The following NIPAL2 variants were observed in gnomAD, a reference collection of about 807,000 sequenced individuals.
NIPAL2 encodes NIPA like domain containing 2, also known as NIPA-like protein 2.
NIPAL2 carries 43 observed loss-of-function variants against 48.9 expected under a neutral mutation model. That is an observed-to-expected ratio of 0.88 (90% confidence interval 0.69 to 1.13). The LOEUF (loss-of-function observed/expected upper bound fraction) is 1.13, where lower values mean the gene tolerates loss of function less well. Ranked by LOEUF, NIPAL2 falls within the 50% of genes most tolerant of loss-of-function variation. The probability of loss-of-function intolerance (pLI) is 0.00; values close to 1 mark genes in which losing one functional copy is unlikely to be tolerated. For missense variants in NIPAL2, 446 were observed against 461.4 expected (o/e 0.97, Z 0.31); for synonymous variants, 167 against 174.6 (o/e 0.96, Z 0.34).
intron 2 of NIPAL2, among the ~76,000 whole-genome samples, chr8:98,253,527 G>T (rs1813707041): frequency 6.6e-6 from 1 of 152,130 alleles, no homozygotes; most frequent in Admixed American, 6.5e-5. Context: ...TCTAATTCAT[G>T]TTCAGTTATA....
At chr8:98,289,577 T>C (rs1052838265) in intron 1 of NIPAL2, among the ~76,000 whole-genome samples, 1 of 151,932 alleles carries the variant, frequency 6.6e-6, no homozygotes, top group South Asian at 2.1e-4. Context: ...TCTTGAACTC[T>C]TGGGCTCAAG....
intron 5 of NIPAL2, among the ~76,000 whole-genome samples, chr8:98,218,209 G>A (rs1469314313): frequency 1.3e-5 from 2 of 152,162 alleles, no homozygotes; most frequent in East Asian, 3.8e-4. Flanking sequence ...CAGGCTATGT[G>A]ACCCTTTTCT....
chr8:98,249,743 A>ATCC (rs1813491736), intron 3 of NIPAL2, among the ~76,000 whole-genome samples: 1 of 147,554 alleles, frequency 6.8e-6, no homozygotes, highest in South Asian at 2.1e-4. Flanking sequence ...TATTTACATT[A>ATCC]TTTAATACAA....
At chr8:98,263,107 T>G (rs1254506746) in intron 1 of NIPAL2, among the ~76,000 whole-genome samples, 1 of 145,776 alleles carries the variant, frequency 6.9e-6, no homozygotes, top group Non-Finnish European at 1.5e-5. Flanking sequence ...CATACCAGAA[T>G]CTCTGGGACG....
At chr8:98,287,097 G>A (rs969111743) in intron 1 of NIPAL2, among the ~76,000 whole-genome samples, 2 of 151,998 alleles carry the variant, frequency 1.3e-5, no homozygotes, top group African/African-American at 2.4e-5. Context: ...AGGAATATCG[G>A]TCTTTCAGGA....
Position 98,294,218 on chromosome 8 carries a change from C to G in NIPAL2, c.-81G>C. On this transcript the variant is annotated 5_prime_UTR_variant, in exon 1 of 11. Coordinates refer to ENST00000430223, the MANE Select transcript of NIPAL2 (RefSeq NM_001321635.2). ...CTGTTGCACCGCGAGGAGGCCGCGCCGCAGCCACTTCCTGCTCGGTGCCCG... is the reference window on the plus strand; with the variant it reads ...CTGTTGCACCGCGAGGAGGCCGCGCGGCAGCCACTTCCTGCTCGGTGCCCG... 4 of 1,201,308 alleles carry G rather than the reference C, an allele frequency of 3.3e-6. No individual in the cohort carries two copies. The highest frequency in any genetic ancestry group is 3.1e-6 in the Non-Finnish European group (3 of 968,528). The allele number at this position is 1,201,308 out of a possible 1,614,324, so 74.4% of individuals were successfully genotyped here.
In NIPAL2 at chr8:98,280,761, T is replaced by TATATATATATATATAGAGAG; in HGVS notation, c.135+13241_135+13242insCTCTCTATATATATATATAT. 4.9e-3 allele frequency among the ~76,000 whole-genome samples: 148 copies of TATATATATATATATAGAGAG among 30,000 alleles called. 3 individuals carry two copies. The highest frequency in any genetic ancestry group is 7.6e-3 in the Non-Finnish European group (111 of 14,698). The allele number at this position is 30,000 out of a possible 152,430, so 19.7% of individuals were successfully genotyped here. A position where few individuals can be genotyped will look rare whatever the true frequency, so the allele number is the denominator to read the frequency against. ...CTATATATATATATATATATATATA[T>TATATATATATATATAGAGAG]AGAGAGAGAGAGAGAGAGAGAGAGA... is the stretch of plus-strand genomic sequence containing the variant. On this transcript the variant is annotated intron_variant, in intron 1 of 10. Transcript: ENST00000430223.
intron 3 of NIPAL2, among the ~76,000 whole-genome samples, chr8:98,246,205 G>A (rs1813298719): frequency 6.6e-6 from 1 of 152,138 alleles, no homozygotes; most frequent in Non-Finnish European, 1.5e-5. Context: ...GCCTCACCAG[G>A]GCTTCCTGGC....
At chr8:98,232,986 G>A (rs1278964135) in intron 4 of NIPAL2, among the ~76,000 whole-genome samples, 1 of 152,162 alleles carries the variant, frequency 6.6e-6, no homozygotes, top group Non-Finnish European at 1.5e-5. Context: ...TAGGCCAGGC[G>A]TGATAGCTCA....
chr8:98,254,692 TA>T (rs1254240343), intron 1 of NIPAL2, among the ~76,000 whole-genome samples: 2 of 152,266 alleles, frequency 1.3e-5, no homozygotes, highest in Non-Finnish European at 2.9e-5. Context: ...CAGTCTACTA[TA>T]TCAAACAATA....
In NIPAL2 at chr8:98,196,017, GA is replaced by G; in HGVS notation, c.881-13del. The G allele has an allele frequency of 4.7e-6, 7 of 1,504,404 alleles. No individual in the cohort carries two copies. Among genetic ancestry groups the G allele is most frequent in the Non-Finnish European group, 6.4e-6 (7 of 1,101,684 alleles). The allele number at this position is 1,504,404 out of a possible 1,614,324, so 93.2% of individuals were successfully genotyped here. A position where few individuals can be genotyped will look rare whatever the true frequency, so the allele number is the denominator to read the frequency against. Reference sequence around the variant, plus strand: ...ATAAAATATGATACCTGTAACACAGGAAAAGAAGACAAAATTGATTTTGAAG... The same window carrying G: ...ATAAAATATGATACCTGTAACACAGGAAAGAAGACAAAATTGATTTTGAAG... On this transcript the variant is annotated splice_polypyrimidine_tract_variant and intron_variant, in intron 8 of 10. Transcript: ENST00000430223.
intron 1 of NIPAL2, among the ~76,000 whole-genome samples, chr8:98,289,268 C>T (rs552117696): frequency 2.3e-4 from 35 of 152,138 alleles, no homozygotes; most frequent in African/African-American, 8.0e-4. Context: ...TGGCAGTTTC[C>T]CATAGCCTGG....
chr8:98,197,954 A>G (rs1810623233), intron 8 of NIPAL2, among the ~76,000 whole-genome samples: 1 of 152,230 alleles, frequency 6.6e-6, no homozygotes. Flanking sequence ...CCTCCCATGA[A>G]TCACAAAAGT....
At chr8:98,243,242 C>T (rs1002606517) in intron 3 of NIPAL2, among the ~76,000 whole-genome samples, 13 of 152,172 alleles carry the variant, frequency 8.5e-5, no homozygotes, top group African/African-American at 3.1e-4. Context: ...GTCATCTGTT[C>T]TTTTGGCTAT....
At chr8:98,193,842 G>T (rs1041524116) in intron 10 of NIPAL2, among the ~76,000 whole-genome samples, 2 of 149,762 alleles carry the variant, frequency 1.3e-5, no homozygotes, top group African/African-American at 4.9e-5. Context: ...TCCTATCAAA[G>T]AACCTCTAAC....
intron 1 of NIPAL2, among the ~76,000 whole-genome samples, chr8:98,260,928 A>T (rs1014270683): frequency 2.6e-5 from 4 of 152,014 alleles, no homozygotes; most frequent in Admixed American, 1.3e-4. Context: ...GCAGCTGGAG[A>T]TCTGAGAACG....
chr8:98,234,528 T>C (rs551112794), intron 4 of NIPAL2, among the ~76,000 whole-genome samples: 18 of 152,250 alleles, frequency 1.2e-4, no homozygotes, highest in Admixed American at 8.5e-4. Context: ...ATTTTTAGTT[T>C]ATAAAACTCA....
chr8:98,193,293 C>G lies in NIPAL2; in HGVS notation c.1040-203G>C, dbSNP rs536351257. 1.3e-4 allele frequency: 181 copies of G among 1,425,556 alleles called. 2 individuals carry two copies. In the African/African-American group the frequency reaches 2.2e-3, roughly 17 times the overall value. The allele number at this position is 1,425,556 out of a possible 1,614,324, so 88.3% of individuals were successfully genotyped here. A position where few individuals can be genotyped will look rare whatever the true frequency, so the allele number is the denominator to read the frequency against. On this transcript the variant is annotated intron_variant, in intron 10 of 10. Coordinates refer to ENST00000430223, the MANE Select transcript of NIPAL2 (RefSeq NM_001321635.2). The stretch of plus-strand genomic sequence containing the variant: ...CTATGTGATAGCGAATTGTCTGTGT[C>G]AGAGCCACTATCCCCACCCCACAGG...
Position 98,254,046 on chromosome 8 carries a change from C to G in NIPAL2, c.177G>C (p.Leu59Phe), listed in dbSNP as rs908239351. The G allele has an allele frequency of 1.9e-6, 3 of 1,610,434 alleles. No homozygotes were observed. The highest frequency in any genetic ancestry group is 2.2e-5 in the South Asian group (2 of 90,668). ...GAATATTTAGAGAAATACTGATCAC[C>G]AAGTTTCCTAAAATAGCCAGCAAAA... ...FGVLLAILGNLVISISLNIQK... is the reference protein window; with the variant it reads ...FGVLLAILGNFVISISLNIQK... Residue 59 changes from leucine (L) to phenylalanine (F), a missense_variant, in exon 2 of 11, where the codon TTG (leucine) becomes TTC (phenylalanine). Coordinates refer to ENST00000430223, the MANE Select transcript of NIPAL2 (RefSeq NM_001321635.2).
Sources: allele counts gnomAD v4.1 joint callset (sites outside exome capture counted in the v4.1 genomes callset), GRCh38; gene constraint gnomAD v4.1.1; transcripts MANE v1.5; gene names NCBI Gene and HGNC (gene_info 2026-07-23, HGNC 2026-07-21).